Variants in CXorf38 observed in about 807,000 individuals in gnomAD.
CXorf38 encodes uncharacterized protein CXorf38.
CXorf38 carries 13 observed loss-of-function variants against 27.5 expected under a neutral mutation model. The observed-to-expected ratio is 0.47, with a 90% CI of 0.31 to 0.75. CXorf38 has a LOEUF of 0.75. Ranked by LOEUF, CXorf38 falls within the 30% of genes least tolerant of loss-of-function variation. The pLI is 0.05. For synonymous variants in CXorf38, 100 were observed against 99.8 expected (o/e 1.00, Z -0.01); for missense variants, 240 against 253.2 (o/e 0.95, Z 0.35).
Position 40,642,926 on chromosome X carries a change from C to T in CXorf38, c.352-3798G>A, listed in dbSNP as rs73624917. On this transcript the variant is annotated intron_variant, in intron 2 of 6. Transcript: ENST00000327877. ...AGCTGGGATTACAGGCACACACCACCATAGCTGCCTAATTTTTTTTTGTAT... is the reference window on the plus strand; with the variant it reads ...AGCTGGGATTACAGGCACACACCACTATAGCTGCCTAATTTTTTTTTGTAT... 6.9e-3 allele frequency among the ~76,000 whole-genome samples: 717 copies of T among 104,618 alleles called. 6 individuals are homozygous for T. The highest frequency in any genetic ancestry group is 0.022 in the African/African-American group (663 of 29,954). 90.8% of individuals were successfully genotyped at this position (104,618 alleles called of 115,157 possible).
chrX:40,633,758 A>C (rs918216789), intron 5 of CXorf38, among the ~76,000 whole-genome samples: 9 of 112,125 alleles, frequency 8.0e-5, no homozygotes, highest in African/African-American at 2.9e-4. Flanking sequence ...AGGATTTAAG[A>C]AATCAGTCAT....
chrX:40,644,530 C>T (rs1304009406), intron 2 of CXorf38, among the ~76,000 whole-genome samples: 1 of 112,314 alleles, frequency 8.9e-6, no homozygotes, highest in Non-Finnish European at 1.9e-5. Flanking sequence ...AAAAAGTAAT[C>T]GAAATTTTTT....
rs777220631 is a variant in CXorf38, at chrX:40,647,531, TG to T, written c.-12del. ...CTCCGACAGCACCATGTCTCCCACTTGGAACCAGGAGGTTGCGGGGCGTGGC... is the reference window on the plus strand; with the variant it reads ...CTCCGACAGCACCATGTCTCCCACTTGAACCAGGAGGTTGCGGGGCGTGGC... On this transcript the variant is annotated 5_prime_UTR_variant, in exon 1 of 7. Transcript: ENST00000327877. 45 of 1,178,771 alleles carry T rather than the reference TG, an allele frequency of 3.8e-5. No individual in the cohort carries two copies. The highest frequency in any genetic ancestry group is 4.9e-5 in the Non-Finnish European group (43 of 884,115).
At chrX:40,646,518 C>T (rs1005592287) in intron 2 of CXorf38, among the ~76,000 whole-genome samples, 1 of 111,715 alleles carries the variant, frequency 9.0e-6, no homozygotes, top group African/African-American at 3.3e-5. Flanking sequence ...AAGACAGATC[C>T]GGCTGCCTAC....
intron 5 of CXorf38, among the ~76,000 whole-genome samples, chrX:40,632,658 GTAGAGATGGAAAAACTGAAAGTAC>G (rs1927875856): frequency 9.0e-6 from 1 of 111,437 alleles, no homozygotes; most frequent in African/African-American, 3.3e-5. Flanking sequence ...GGAAGAGAAA[GTAGAGATGGAAAAACTGAAAGTAC>G]TAGAAAAATT....
chrX:40,628,521 T>C lies in CXorf38; in HGVS notation c.*1643A>G, dbSNP rs1451907706. The stretch of plus-strand genomic sequence containing the variant: ...CGACTCCACGGACCACTGCCTATGA[T>C]GGGGCAGTCATTGCGCAGTTTGGGA... On this transcript the variant is annotated 3_prime_UTR_variant, in exon 7 of 7. Coordinates refer to ENST00000327877, the MANE Select transcript of CXorf38 (RefSeq NM_144970.3). 1 of 111,653 alleles carries C rather than the reference T, an allele frequency of 9.0e-6. No homozygotes were observed. The highest frequency in any genetic ancestry group is 1.9e-5 in the Non-Finnish European group (1 of 53,130). 9.2% of individuals were successfully genotyped at this position (111,653 alleles called of 1,213,427 possible).
intron 4 of CXorf38, 26 bp from the exon 5 acceptor site, chrX:40,636,738 GAA>G: frequency 3.5e-6 from 4 of 1,143,943 alleles, no homozygotes; most frequent in Non-Finnish European, 4.7e-6. Flanking sequence ...ACAAATATAT[GAA>G]CTGATTTCAT....
intron 4 of CXorf38, 77 bp downstream of exon 4, chrX:40,636,930 C>A (rs1441729157): frequency 1.0e-6 from 1 of 986,730 alleles, no homozygotes; most frequent in African/African-American, 1.9e-5. Context: ...TAATAAACTT[C>A]AAATTCTAAA....
At chrX:40,638,097 G>A (rs776141430) in intron 3 of CXorf38, among the ~76,000 whole-genome samples, 67 of 112,118 alleles carry the variant, frequency 6.0e-4, no homozygotes, top group Non-Finnish European at 1.1e-3. Context: ...TTTAAATACT[G>A]TTGGAGCACC....
intron 2 of CXorf38, 75 bp from the exon 3 acceptor site, chrX:40,639,203 C>A: frequency 9.4e-7 from 1 of 1,066,841 alleles, no homozygotes; most frequent in Non-Finnish European, 1.3e-6. Flanking sequence ...GGTTACTTGT[C>A]TATTTTCCAA....
intron 5 of CXorf38, among the ~76,000 whole-genome samples, chrX:40,636,177 T>A (rs1928056935): frequency 8.9e-6 from 1 of 112,660 alleles, no homozygotes; most frequent in Non-Finnish European, 1.9e-5. Context: ...CAGACTCTTA[T>A]TTGATTCTGT....
chrX:40,641,700 A>G (rs925837904), intron 2 of CXorf38, among the ~76,000 whole-genome samples: 10 of 112,165 alleles, frequency 8.9e-5, no homozygotes, highest in Admixed American at 1.9e-4. Context: ...CCTTGCTACA[A>G]GTTTATTTTA....
At chrX:40,636,494 T>C (rs770367912) in intron 5 of CXorf38, 39 bp downstream of exon 5, 2 of 956,290 alleles carry the variant, frequency 2.1e-6, no homozygotes. Flanking sequence ...TTTCTTTGTG[T>C]TGTTAACTCA....
chrX:40,646,933 A>G, intron 2 of CXorf38, 74 bp downstream of exon 2: 1 of 1,117,216 alleles, frequency 9.0e-7, no homozygotes, highest in Admixed American at 2.7e-5. Context: ...CCCGGCGACC[A>G]CAAGACCAGA....
chrX:40,639,880 A>G (rs1037958442), intron 2 of CXorf38: 1 of 120,306 alleles, frequency 8.3e-6, no homozygotes. Context: ...TCTTGCCTTT[A>G]GTAGGAATTT....
intron 2 of CXorf38, among the ~76,000 whole-genome samples, chrX:40,641,891 AT>A (rs921910063): frequency 4.5e-5 from 5 of 111,731 alleles, no homozygotes; most frequent in Non-Finnish European, 9.4e-5. Flanking sequence ...TGAGTAGGAG[AT>A]GGGGCTGGAA....
rs774395912 is a variant in CXorf38 at position 40,647,499 on chromosome X, C to G, written c.22G>C (p.Ala8Pro). 8.4e-7 allele frequency: 1 copy of G among 1,186,647 alleles called. No homozygotes were observed. The highest frequency in any genetic ancestry group is 1.1e-6 in the Non-Finnish European group (1 of 886,620). The change falls in exon 1 of 7, where the codon GCG becomes CCG. Residue 8 changes from alanine to proline, a missense_variant. By Grantham distance (27) the Ala-to-Pro change is conservative. Transcript: ENST00000327877. ...TTGTACTCGGCGCAGTTGAGGCGCG[C>G]CGCTAGCTCCGACAGCACCATGTCT... is the stretch of plus-strand genomic sequence containing the variant. MVLSELA[A>P]RLNCAEYKNW...
chrX:40,638,933 G>A, intron 3 of CXorf38, 76 bp downstream of exon 3: 1 of 1,120,565 alleles, frequency 8.9e-7, no homozygotes, highest in Non-Finnish European at 1.2e-6. Flanking sequence ...TAGCATCACA[G>A]GTGTAGCTCA....
chrX:40,631,558 G>A (rs890538932), intron 5 of CXorf38, among the ~76,000 whole-genome samples: 2 of 111,231 alleles, frequency 1.8e-5, no homozygotes, highest in Non-Finnish European at 3.8e-5. Context: ...CGCCCGCCTC[G>A]GCCTCCCAAA....
Sources: allele counts gnomAD v4.1 joint callset (sites outside exome capture counted in the v4.1 genomes callset), GRCh38; gene constraint gnomAD v4.1.1; transcripts MANE v1.5; gene names NCBI Gene and HGNC (gene_info 2026-07-23, HGNC 2026-07-21).